N4BP2: variants seen among roughly 807,000 people sequenced by gnomAD.
N4BP2 encodes NEDD4-binding protein 2.
In N4BP2, 91 loss-of-function variants were observed where a neutral mutation model predicts 152.8. The ratio of observed to expected loss-of-function variants is 0.60; its 90% CI spans 0.50 to 0.71. The LOEUF (loss-of-function observed/expected upper bound fraction) is 0.71. Among genes scored for constraint, N4BP2 ranks in the 30% least tolerant of loss-of-function variants. The pLI, the probability that N4BP2 is intolerant of heterozygous loss-of-function variation, is 0.00. For synonymous variants in N4BP2, 646 were observed against 705.3 expected (o/e 0.92, Z 1.33); for missense variants, 1,923 against 2,059.1 (o/e 0.93, Z 1.28).
At chr4:40,117,031 A>G (rs755277777) in intron 7 of N4BP2, among the ~76,000 whole-genome samples, 18 of 152,084 alleles carry the variant, frequency 1.2e-4, no homozygotes, top group Non-Finnish European at 1.9e-4. Context: ...GTGAATGACA[A>G]TTTCAGTACT....
At chr4:40,177,475 G>A in the N4BP2 span, among the ~76,000 whole-genome samples, 1 of 152,074 alleles carries the variant, frequency 6.6e-6, no homozygotes, top group Non-Finnish European at 1.5e-5. Flanking sequence ...AATTAGCTGC[G>A]CATGGTGGCA....
In N4BP2 at chr4:40,158,172, G is replaced by A. The variant is rs1721748307; in HGVS notation, c.*3935G>A. 6.6e-6 allele frequency: 1 copy of A among 152,076 alleles called. No individual in the cohort carries two copies. The highest frequency in any genetic ancestry group is 2.1e-4 in the South Asian group (1 of 4,828). The allele number at this position is 152,076 out of a possible 1,614,324, so 9.4% of individuals were successfully genotyped here. A position where few individuals can be genotyped will look rare whatever the true frequency, so the allele number is the denominator to read the frequency against. On this transcript the variant is annotated 3_prime_UTR_variant, in exon 18 of 18. Transcript: ENST00000261435. ...ACTCTGTACTTTTTAAATTGAAAAT[G>A]TTTTATAAATTTGCTTTTAAATTTT...
rs1227982642 is a variant in N4BP2, at chr4:40,056,855, C to T, written c.-387C>T. The T allele has an allele frequency of 1.3e-5, 2 of 152,022 alleles. No individual in the cohort carries two copies. The highest frequency in any genetic ancestry group is 2.9e-5 in the Non-Finnish European group (2 of 67,950). The allele number at this position is 152,022 out of a possible 1,614,324, so 9.4% of individuals were successfully genotyped here. A position where few individuals can be genotyped will look rare whatever the true frequency, so the allele number is the denominator to read the frequency against. On this transcript the variant is annotated 5_prime_UTR_variant, in exon 1 of 18. Coordinates refer to ENST00000261435, the MANE Select transcript of N4BP2 (RefSeq NM_018177.6). ...CCGGCCGGACGGAGAGCGGCAGTGT[C>T]TCCCCGCCGGGCGCGCTCGCCGTGT... is the stretch of plus-strand genomic sequence containing the variant.
At position 40,112,081 on chromosome 4, in the gene N4BP2, C is replaced by T. The variant is rs1716938374; in HGVS notation, c.1499-3C>T. ...TGATTTTTAATTATGTTATGTTTTT[C>T]AGCAAAAGAAGCATTTGAGAAGAAG... is the stretch of plus-strand genomic sequence containing the variant. On this transcript the variant is annotated splice_polypyrimidine_tract_variant and splice_region_variant and intron_variant, in intron 5 of 17. Coordinates refer to ENST00000261435, the MANE Select transcript of N4BP2 (RefSeq NM_018177.6). 1 of 1,430,436 alleles carries T rather than the reference C, an allele frequency of 7.0e-7. No homozygotes were observed. Among genetic ancestry groups the T allele is most frequent in the African/African-American group, 1.4e-5 (1 of 69,184 alleles). The allele number at this position is 1,430,436 out of a possible 1,614,324, so 88.6% of individuals were successfully genotyped here. A position where few individuals can be genotyped will look rare whatever the true frequency, so the allele number is the denominator to read the frequency against.
the N4BP2 span, among the ~76,000 whole-genome samples, chr4:40,170,288 A>G: frequency 6.6e-6 from 1 of 152,164 alleles, no homozygotes; most frequent in Non-Finnish European, 1.5e-5. Flanking sequence ...GATTACAAAT[A>G]AAAAAGAAAA....
At chr4:40,059,405 T>C (rs1228670178) in intron 1 of N4BP2, among the ~76,000 whole-genome samples, 1 of 151,920 alleles carries the variant, frequency 6.6e-6, no homozygotes, top group Non-Finnish European at 1.5e-5. Context: ...TGTATGTATG[T>C]ATTTTGAGAC....
chr4:40,110,619 C>T (rs1477372394), intron 5 of N4BP2, among the ~76,000 whole-genome samples: 1 of 152,158 alleles, frequency 6.6e-6, no homozygotes, highest in Non-Finnish European at 1.5e-5. Context: ...CTCATTGCAA[C>T]CTCCGCCTCC....
intron 8 of N4BP2, among the ~76,000 whole-genome samples, chr4:40,119,132 A>G (rs768284814): frequency 2.0e-5 from 3 of 152,190 alleles, no homozygotes; most frequent in Non-Finnish European, 2.9e-5. Flanking sequence ...TCAGCTCTTC[A>G]TTTCTAAAAT....
chr4:40,138,497 C>T (rs1334317553), intron 14 of N4BP2, among the ~76,000 whole-genome samples: 1 of 152,174 alleles, frequency 6.6e-6, no homozygotes, highest in Non-Finnish European at 1.5e-5. Flanking sequence ...ATGTCATGAA[C>T]TTTCCTCCTG....
At chr4:40,163,112 A>G (rs1022635499), downstream of N4BP2, among the ~76,000 whole-genome samples, 1 of 152,258 alleles carries the variant, frequency 6.6e-6, no homozygotes, top group African/African-American at 2.4e-5. Flanking sequence ...GAACCAAGCC[A>G]TTAAATTCAG....
At chr4:40,160,811 C>T (rs1379414879), downstream of N4BP2, among the ~76,000 whole-genome samples, 2 of 152,174 alleles carry the variant, frequency 1.3e-5, no homozygotes, top group Non-Finnish European at 2.9e-5. Context: ...ATATTAGAGG[C>T]ACTTTTGCAA....
intron 14 of N4BP2, chr4:40,142,319 C>A (rs111681190): frequency 1.1e-4 from 36 of 316,302 alleles, no homozygotes; most frequent in Non-Finnish European, 2.0e-4. Context: ...GTGGTGGCGA[C>A]GGCTGGAGTT....
Position 40,102,143 on chromosome 4 carries a change from C to T in N4BP2, c.298C>T (p.Gln100Ter). 6.2e-7 allele frequency: 1 copy of T among 1,613,206 alleles called. No homozygotes were observed. Among genetic ancestry groups the T allele is most frequent in the Non-Finnish European group, 8.5e-7 (1 of 1,179,618 alleles). Residue 100 changes from glutamine (Q) to a stop codon, truncating the protein, a stop_gained, in exon 4 of 18, where the codon CAA (glutamine) becomes TAA (stop). Transcript: ENST00000261435. LOFTEE classifies it high-confidence loss of function. The stretch of plus-strand genomic sequence containing the variant: ...TACCAAGATAGAAGAATCATCTTCA[C>T]AAAGTTTCGTTGCTTCTGAGAACCA... The part of the protein sequence containing the change: ...TDTKIEESSS[Q>*]SFVASENQVG...
chr4:40,109,155 G>C (rs1306977925), intron 5 of N4BP2, among the ~76,000 whole-genome samples: 1 of 151,938 alleles, frequency 6.6e-6, no homozygotes, highest in Non-Finnish European at 1.5e-5. Flanking sequence ...GGTGATTCTT[G>C]GGTTTGCCAT....
intron 4 of N4BP2, among the ~76,000 whole-genome samples, chr4:40,103,602 G>C (rs546955530): frequency 1.3e-5 from 2 of 152,154 alleles, no homozygotes; most frequent in Admixed American, 6.5e-5. Context: ...TAATTTTACT[G>C]GTAGTTGGAA....
At chr4:40,115,749 A>G (rs1717282980) in intron 7 of N4BP2, among the ~76,000 whole-genome samples, 1 of 152,172 alleles carries the variant, frequency 6.6e-6, no homozygotes, top group Non-Finnish European at 1.5e-5. Context: ...TGACATTTAT[A>G]AGATTTTTTT....
In N4BP2 at chr4:40,102,757, T is replaced by C. The variant is rs1715811882; in HGVS notation, c.912T>C (p.Gly304=). 1.9e-6 allele frequency: 3 copies of C among 1,614,036 alleles called. No homozygotes were observed. In the African/African-American group the frequency reaches 4.0e-5, roughly 22 times the overall value. ...ACCTTCCAGGGCTTGATTTACCAGG[T>C]ACAGGTGGGGATCAGAAATCTACTC... ...CLNLPGLDLP[G]TGGDQKSTRV... Residue 304 remains glycine, a synonymous_variant, in exon 4 of 18, where the codon GGT becomes GGC. Coordinates refer to ENST00000261435, the MANE Select transcript of N4BP2 (RefSeq NM_018177.6).
chr4:40,098,708 T>C (rs1481762133), intron 3 of N4BP2, among the ~76,000 whole-genome samples: 2 of 152,220 alleles, frequency 1.3e-5, no homozygotes, highest in African/African-American at 4.8e-5. Context: ...TAAGTTACTT[T>C]GACATTTCCT....
rs763658239 is a variant in N4BP2 at position 40,144,842 on chromosome 4, C to A, written c.5143+42C>A. Reference sequence around the variant, plus strand: ...CACAAGTTTTCAATAGAATATATGTCTTTGCTTATATTGGTATAGCTTGCA... The same window carrying A: ...CACAAGTTTTCAATAGAATATATGTATTTGCTTATATTGGTATAGCTTGCA... On this transcript the variant is annotated intron_variant, in intron 16 of 17. Coordinates refer to ENST00000261435, the MANE Select transcript of N4BP2 (RefSeq NM_018177.6). The A allele has an allele frequency of 2.0e-6, 3 of 1,501,292 alleles. No homozygotes were observed. The South Asian group carries it at 3.9e-5, about 20-fold the overall frequency. 93.0% of individuals were successfully genotyped at this position (1,501,292 alleles called of 1,614,324 possible).
Sources: allele counts gnomAD v4.1 joint callset (sites outside exome capture counted in the v4.1 genomes callset), GRCh38; gene constraint gnomAD v4.1.1; transcripts MANE v1.5; gene names NCBI Gene and HGNC (gene_info 2026-07-23, HGNC 2026-07-21).